The following GATB variants were observed in gnomAD, a reference collection of about 807,000 sequenced individuals.
GATB encodes the protein glutamyl-tRNA(Gln) amidotransferase subunit B, mitochondrial.
A neutral mutation model predicts 62.3 loss-of-function variants in GATB; 39 were observed. The observed-to-expected ratio is 0.63, with a 90% CI of 0.48 to 0.82. The LOEUF (loss-of-function observed/expected upper bound fraction) is 0.82, where lower values mean the gene tolerates loss of function less well. Ranked by LOEUF, GATB falls within the 40% of genes least tolerant of loss-of-function variation. The probability of loss-of-function intolerance (pLI) is 0.00; values close to 1 mark genes in which losing one functional copy is unlikely to be tolerated. For missense variants in GATB, 670 were observed against 684.0 expected, an observed-to-expected ratio of 0.98 and a Z score of 0.23; for synonymous variants, 276 against 258.9, an observed-to-expected ratio of 1.07 and a Z score of -0.63.
intron 2 of GATB, 60 bp downstream of exon 2, chr4:151,758,712 C>A: frequency 1.6e-6 from 2 of 1,284,394 alleles, no homozygotes; most frequent in Non-Finnish European, 1.1e-6. Context: ...AAATAATTTT[C>A]CATGTTCAAT....
intron 7 of GATB, among the ~76,000 whole-genome samples, chr4:151,704,154 T>G (rs1435635791): frequency 6.6e-6 from 1 of 152,112 alleles, no homozygotes; most frequent in Non-Finnish European, 1.5e-5. Flanking sequence ...GCTTTTGAGC[T>G]TTTTTCAGTA....
intron 8 of GATB, chr4:151,703,229 T>C (rs951005935): frequency 3.6e-4 from 55 of 152,610 alleles, no homozygotes; most frequent in African/African-American, 1.3e-3. Flanking sequence ...AATAGCTACA[T>C]TTGCATCTTT....
intron 2 of GATB, chr4:151,723,965 G>A (rs144341164): frequency 6.6e-6 from 1 of 152,182 alleles, no homozygotes; most frequent in Non-Finnish European, 1.5e-5. Context: ...TTTTAATAAA[G>A]AATTGCTTGT....
chr4:151,708,092 A>C lies in GATB; in HGVS notation c.773T>G (p.Leu258Trp). The C allele has an allele frequency of 3.1e-6, 5 of 1,611,002 alleles. No individual in the cohort carries two copies. Among genetic ancestry groups the C allele is most frequent in the Non-Finnish European group, 4.2e-6 (5 of 1,177,364 alleles). Residue 258 changes from leucine (L) to tryptophan (W), a missense_variant, in exon 6 of 13, where the codon TTG (leucine) becomes TGG (tryptophan). Transcript: ENST00000263985. ...TSQANMAEGQ[L>W]RVDANISVHH... ...CACGGATATATTGGCATCCACTCTC[A>C]ACTGGCCCTCTGGAAGGAGAGAAGA...
chr4:151,706,421 C>CACT (rs36090661), intron 6 of GATB, among the ~76,000 whole-genome samples: 24,900 of 152,132 alleles, frequency 0.16, 2,648 homozygotes, highest in African/African-American at 0.31. Context: ...GGTCCCAGCC[C>CACT]ACTACCTACA....
Position 151,716,054 on chromosome 4 carries a change from G to A in GATB, c.718C>T (p.Gln240Ter), listed in dbSNP as rs1738906319. Residue 240 changes from glutamine to a stop codon, truncating the protein, a stop_gained, in exon 5 of 13, where the codon CAG becomes TAG. Coordinates refer to ENST00000263985, the MANE Select transcript of GATB (RefSeq NM_004564.3). LOFTEE classifies it high-confidence loss of function. ...GTCCCCAGGGCTTGAAGGATCAGCT[G>A]CAGCTCCCTGACAGCTGTTGCCGCC... ...EEAATAVREL[Q>*]LILQALGTSQ... 1 of 1,614,010 alleles carries A rather than the reference G, an allele frequency of 6.2e-7. No individual in the cohort carries two copies. The highest frequency in any genetic ancestry group is 8.5e-7 in the Non-Finnish European group (1 of 1,179,970).
intron 2 of GATB, among the ~76,000 whole-genome samples, chr4:151,731,029 A>G (rs1560859614): frequency 6.6e-6 from 1 of 152,242 alleles, no homozygotes; most frequent in Non-Finnish European, 1.5e-5. Context: ...CCAAAATATG[A>G]TACAAGAAGT....
At chr4:151,758,530 A>G (rs1458444755) in intron 2 of GATB, among the ~76,000 whole-genome samples, 1 of 152,232 alleles carries the variant, frequency 6.6e-6, no homozygotes, top group African/African-American at 2.4e-5. Context: ...AATGTCTGGT[A>G]TTAGTAGACA....
At position 151,760,737 on chromosome 4, in the gene GATB, T is replaced by G. The variant is rs1739936756; in HGVS notation, c.176+70A>C. 28 of 1,391,314 alleles carry G rather than the reference T, an allele frequency of 2.0e-5. 1 individual carries two copies. The South Asian group carries it at 4.3e-4, about 21-fold the overall frequency. 86.2% of individuals were successfully genotyped at this position (1,391,314 alleles called of 1,614,324 possible). The stretch of plus-strand genomic sequence containing the variant: ...AAACGTCTAGAAGCTGGGCCGTAAT[T>G]GCCATTATTTCCCCAGTCCTGCAGT... On this transcript the variant is annotated intron_variant, in intron 1 of 12. Transcript: ENST00000263985.
Position 151,701,484 on chromosome 4 carries a change from G to A in GATB, c.1042C>T (p.Leu348Phe). The A allele has an allele frequency of 1.3e-6, 2 of 1,583,114 alleles. No individual in the cohort carries two copies. The highest frequency in any genetic ancestry group is 1.2e-5 in the South Asian group (1 of 86,164). The change falls in exon 9 of 13, where the codon CTC becomes TTC. Residue 348 changes from leucine (L) to phenylalanine (F), a missense_variant. Coordinates refer to ENST00000263985, the MANE Select transcript of GATB (RefSeq NM_004564.3). ...GCGGGCAGAGATGTGGCGTCGTAGA[G>A]CACCAGGGGAGGCAGGTTGGGTTCT... ...MPEPNLPPLV[L>F]YDATSLPAGA...
intron 9 of GATB, among the ~76,000 whole-genome samples, chr4:151,694,955 A>C (rs1738438690): frequency 1.3e-5 from 2 of 152,206 alleles, no homozygotes; most frequent in South Asian, 4.1e-4. Context: ...TGATGTCAGA[A>C]ACAAAGGATT....
intron 11 of GATB, among the ~76,000 whole-genome samples, chr4:151,678,453 C>G (rs1014023552): frequency 4.6e-5 from 7 of 152,160 alleles, no homozygotes; most frequent in Non-Finnish European, 1.0e-4. Flanking sequence ...CTCTCTCTCT[C>G]TCTCTACATA....
chr4:151,676,873 G>C (rs574956345), intron 11 of GATB, among the ~76,000 whole-genome samples: 2 of 152,328 alleles, frequency 1.3e-5, no homozygotes, highest in East Asian at 3.9e-4. Flanking sequence ...CCTGGGAGGA[G>C]GGTGCAGTGA....
intron 3 of GATB, 102 bp downstream of exon 3, chr4:151,719,323 A>G (rs1738979726): frequency 2.5e-6 from 2 of 806,864 alleles, no homozygotes; most frequent in Non-Finnish European, 4.1e-6. Flanking sequence ...TGCTGGCTGA[A>G]AACATGAGAG....
chr4:151,705,158 T>C, intron 7 of GATB, 27 bp downstream of exon 7: 1 of 1,554,192 alleles, frequency 6.4e-7, no homozygotes. Context: ...CCGGCTGTGG[T>C]CAGGACGCTC....
At chr4:151,690,546 C>A (rs1182668033) in intron 9 of GATB, among the ~76,000 whole-genome samples, 3 of 152,250 alleles carry the variant, frequency 2.0e-5, no homozygotes, top group African/African-American at 7.2e-5. Flanking sequence ...TTTGTTCTAA[C>A]CCAGACAGGC....
At chr4:151,694,038 T>C (rs1465017830) in intron 9 of GATB, among the ~76,000 whole-genome samples, 1 of 152,122 alleles carries the variant, frequency 6.6e-6, no homozygotes, top group Non-Finnish European at 1.5e-5. Context: ...AAGAAATCAA[T>C]TCCAATTGTA....
intron 2 of GATB, among the ~76,000 whole-genome samples, chr4:151,745,624 C>T (rs1739580673): frequency 1.3e-5 from 2 of 152,240 alleles, no homozygotes; most frequent in Admixed American, 1.3e-4. Context: ...GAAAGCACAG[C>T]ATTTGCATTG....
intron 10 of GATB, among the ~76,000 whole-genome samples, chr4:151,680,254 G>A (rs549686935): frequency 2.7e-5 from 4 of 146,918 alleles, no homozygotes; most frequent in South Asian, 4.6e-4. Context: ...TATTTTCAAC[G>A]GAAAGATCAG....
Sources: allele counts gnomAD v4.1 joint callset (sites outside exome capture counted in the v4.1 genomes callset), GRCh38; gene constraint gnomAD v4.1.1; transcripts MANE v1.5; gene names NCBI Gene and HGNC (gene_info 2026-07-23, HGNC 2026-07-21).